ZNF484: variants seen among roughly 807,000 people sequenced by gnomAD.
The protein encoded by ZNF484 is zinc finger protein 484, also known as KRAB box containing C2H2 type zinc finger bA526D8.4.
ZNF484 carries 11 observed loss-of-function variants against 12.9 expected under a neutral mutation model. The ratio of observed to expected loss-of-function variants is 0.85; its 90% confidence interval spans 0.54 to 1.41. The LOEUF (loss-of-function observed/expected upper bound fraction) is 1.41. Ranked by LOEUF, ZNF484 falls within the 40% of genes most tolerant of loss-of-function variation. ZNF484 has a pLI of 0.00. For missense variants in ZNF484, 807 were observed against 1,007.7 expected, an observed-to-expected ratio of 0.80 and a Z score of 2.70; for synonymous variants, 289 against 334.1, an observed-to-expected ratio of 0.86 and a Z score of 1.47.
chr9:92,864,181 G>C (rs1856936348), intron 2 of ZNF484, among the ~76,000 whole-genome samples: 1 of 152,120 alleles, frequency 6.6e-6, no homozygotes. Flanking sequence ...TGAATTCTTA[G>C]CTGGCTACTC....
intron 2 of ZNF484, among the ~76,000 whole-genome samples, chr9:92,866,388 A>G (rs1368529555): frequency 1.3e-5 from 2 of 152,266 alleles, no homozygotes; most frequent in African/African-American, 4.8e-5. Flanking sequence ...TCATACGAAA[A>G]AAAGCTCAAC....
rs767038930 is a variant in ZNF484 at position 92,848,548 on chromosome 9, C to T, written c.239G>A (p.Gly80Glu). The stretch of plus-strand genomic sequence containing the variant: ...TTGTAAAGGTCCAAAACCAATGTCC[C>T]CATCTAAAAAAGAAAGAAAAGATAA... ...GEIPSQSRPD[G>E]DIGFGPLQQR... The change falls in exon 5 of 5, where the codon GGG becomes GAG. Residue 80 changes from glycine (G) to glutamate (E), a missense_variant. By Grantham distance (98) the Gly-to-Glu change is moderately conservative. Transcript: ENST00000375495. This position sits in a 1 kb window ranked among gnomAD's most constrained non-coding sequence, Gnocchi z 4.1. The T allele has an allele frequency of 6.4e-7, 1 of 1,566,410 alleles. No homozygotes were observed. The highest frequency in any genetic ancestry group is 1.2e-5 in the South Asian group (1 of 83,808).
chr9:92,865,282 A>T (rs1857005333), intron 2 of ZNF484, among the ~76,000 whole-genome samples: 1 of 152,070 alleles, frequency 6.6e-6, no homozygotes, highest in Admixed American at 6.5e-5. Flanking sequence ...TCTATAAAAA[A>T]TCAAAACAAA....
At chr9:92,850,887 G>A (rs1210250407) in intron 4 of ZNF484, among the ~76,000 whole-genome samples, 6 of 152,140 alleles carry the variant, frequency 3.9e-5, no homozygotes, top group Admixed American at 1.3e-4. Flanking sequence ...GTGAGCCACC[G>A]TGTCTGGCCT....
At chr9:92,870,300 A>T (rs1212646654) in intron 2 of ZNF484, among the ~76,000 whole-genome samples, 1 of 152,238 alleles carries the variant, frequency 6.6e-6, no homozygotes, top group African/African-American at 2.4e-5. Flanking sequence ...GCCTGGAAAA[A>T]AGTGTTTTCT....
chr9:92,857,845 C>T (rs1856554791), intron 2 of ZNF484, among the ~76,000 whole-genome samples: 1 of 152,156 alleles, frequency 6.6e-6, no homozygotes, highest in African/African-American at 2.4e-5. Context: ...ACTGCAGCCT[C>T]GACCTGGGCT....
intron 2 of ZNF484, among the ~76,000 whole-genome samples, chr9:92,867,182 T>C (rs1343500626): frequency 6.6e-6 from 1 of 152,040 alleles, no homozygotes. Context: ...CTGTCTCTAC[T>C]AGAAATACAA....
chr9:92,876,769 T>C (rs1488373093), intron 1 of ZNF484, among the ~76,000 whole-genome samples: 1 of 152,138 alleles, frequency 6.6e-6, no homozygotes, highest in East Asian at 1.9e-4. Flanking sequence ...AAAGCACATA[T>C]AACTGCAAAA....
chr9:92,862,866 C>T (rs918371403), intron 2 of ZNF484, among the ~76,000 whole-genome samples: 57 of 152,070 alleles, frequency 3.7e-4, no homozygotes, highest in Non-Finnish European at 4.6e-4. Context: ...GGTGATTCCT[C>T]AAAGATTTAG....
At chr9:92,852,935 A>C (rs1856199067) in intron 4 of ZNF484, among the ~76,000 whole-genome samples, 1 of 152,224 alleles carries the variant, frequency 6.6e-6, no homozygotes, top group Non-Finnish European at 1.5e-5. Flanking sequence ...TAGGATAGAA[A>C]TGGTTATAGA....
chr9:92,874,654 G>C (rs1857686607), intron 2 of ZNF484, among the ~76,000 whole-genome samples: 1 of 152,094 alleles, frequency 6.6e-6, no homozygotes, highest in Non-Finnish European at 1.5e-5. Flanking sequence ...AGACTGCTCT[G>C]TCATTAACCA....
At chr9:92,877,746 T>G in intron 1 of ZNF484, 144 bp downstream of exon 1, 3 of 1,526,218 alleles carry the variant, frequency 2.0e-6, no homozygotes, top group Non-Finnish European at 2.6e-6. Flanking sequence ...GCCCCCTCAC[T>G]CCTCCCTCAG....
intron 2 of ZNF484, among the ~76,000 whole-genome samples, chr9:92,866,695 T>A (rs1226790875): frequency 6.6e-6 from 1 of 152,076 alleles, no homozygotes; most frequent in African/African-American, 2.4e-5. Flanking sequence ...TGCACACGTA[T>A]GTTTACTGCA....
At chr9:92,874,564 G>A (rs7871973) in intron 2 of ZNF484, among the ~76,000 whole-genome samples, 1 of 151,978 alleles carries the variant, frequency 6.6e-6, no homozygotes, top group African/African-American at 2.4e-5. Flanking sequence ...CACCTGCCTC[G>A]ACCTCCCAAA....
Position 92,877,719 on chromosome 9 carries a change from A to G in ZNF484, c.-31+171T>C. The G allele has an allele frequency of 5.4e-6, 8 of 1,469,294 alleles. No individual in the cohort carries two copies. The South Asian group carries it at 8.5e-5, about 16-fold the overall frequency. The allele number at this position is 1,469,294 out of a possible 1,614,324, so 91.0% of individuals were successfully genotyped here. Reference sequence around the variant, plus strand: ...TCCTCACTCCGCCTGCAGATCCACCACCAGAGACCCCTCAGTGCCCCCTCA... The same window carrying G: ...TCCTCACTCCGCCTGCAGATCCACCGCCAGAGACCCCTCAGTGCCCCCTCA... On this transcript the variant is annotated intron_variant, in intron 1 of 4. Transcript: ENST00000375495.
chr9:92,877,852 C>T lies in ZNF484; in HGVS notation c.-31+38G>A, dbSNP rs574636765. On this transcript the variant is annotated intron_variant, in intron 1 of 4. Coordinates refer to ENST00000375495, the MANE Select transcript of ZNF484 (RefSeq NM_031486.4). Reference sequence around the variant, plus strand: ...CTCAGGACAGACATCAGAGATTCTTCTTGCTCAGTCCACAGATGCTGCCAT... The same window carrying T: ...CTCAGGACAGACATCAGAGATTCTTTTTGCTCAGTCCACAGATGCTGCCAT... The T allele has an allele frequency of 6.5e-6, 10 of 1,535,824 alleles. No homozygotes were observed. In the African/African-American group the frequency reaches 9.6e-5, roughly 15 times the overall value.
At chr9:92,872,792 T>G (rs1026466477) in intron 2 of ZNF484, among the ~76,000 whole-genome samples, 1 of 152,188 alleles carries the variant, frequency 6.6e-6, no homozygotes, top group African/African-American at 2.4e-5. Context: ...AAGTTATTTT[T>G]AAGCAACTAA....
Position 92,848,249 on chromosome 9 carries a change from A to G in ZNF484, c.538T>C (p.Ser180Pro). ...ATAGGCTCCAAATTCTTTCCACACG[A>G]GTTACAGTTATGGGGTCTTTTTCTT... The part of the protein sequence containing the change: ...SSRKRPHNCN[S>P]CGKNLEPIIT... Residue 180 changes from serine (S) to proline (P), a missense_variant, in exon 5 of 5, where the codon TCG becomes CCG. Coordinates refer to ENST00000375495, the MANE Select transcript of ZNF484 (RefSeq NM_031486.4). The surrounding 1 kb of genome is among the most constrained non-coding windows in gnomAD (Gnocchi z 4.1). 6.2e-7 allele frequency: 1 copy of G among 1,614,146 alleles called. No individual in the cohort carries two copies. The highest frequency in any genetic ancestry group is 8.5e-7 in the Non-Finnish European group (1 of 1,180,028).
intron 4 of ZNF484, among the ~76,000 whole-genome samples, chr9:92,854,152 T>G (rs1214948036): frequency 6.6e-6 from 1 of 152,042 alleles, no homozygotes; most frequent in Non-Finnish European, 1.5e-5. Flanking sequence ...ACATCAAAAA[T>G]GAAGGATACA....
Sources: gnomAD v4.1 joint callset for allele counts (sites outside exome capture counted in the v4.1 genomes callset) on GRCh38, gnomAD v4.1.1 for gene constraint, Gnocchi (gnomAD v3.1) non-coding constraint, MANE v1.5 for transcripts, NCBI Gene and HGNC (gene_info 2026-07-23, HGNC 2026-07-21) for gene names.